Variants in ATP11C observed in about 807,000 individuals in gnomAD.
ATP11C encodes the protein phospholipid-transporting ATPase IG.
A neutral mutation model predicts 97.4 loss-of-function variants in ATP11C; 36 were observed. The ratio of observed to expected loss-of-function variants is 0.37; its 90% CI spans 0.28 to 0.49. ATP11C has a LOEUF of 0.49. ATP11C is among the 20% of genes least tolerant of loss of function. The probability of loss-of-function intolerance (pLI) is 0.98; values close to 1 mark genes in which losing one functional copy is unlikely to be tolerated. For missense variants in ATP11C, 730 were observed against 824.6 expected (o/e 0.89, Z 1.40); for synonymous variants, 275 against 290.9 (o/e 0.95, Z 0.56).
At chrX:139,931,915 G>C (rs1390769926) in intron 1 of ATP11C, 101 bp downstream of exon 1, 11 of 975,356 alleles carry the variant, frequency 1.1e-5, no homozygotes, top group African/African-American at 2.0e-5. Context: ...GTGTCTCCCA[G>C]AGACGTAACT....
At chrX:139,898,561 GAGT>G (rs1394756498) in intron 1 of ATP11C, among the ~76,000 whole-genome samples, 1 of 111,129 alleles carries the variant, frequency 9.0e-6, no homozygotes, top group Non-Finnish European at 1.9e-5. Context: ...ACGTGGGGAT[GAGT>G]AGATGTGGGC....
rs200848118 is a variant in ATP11C, at chrX:139,789,526, C to T, written c.1207-38G>A. 4 of 1,075,140 alleles carry T rather than the reference C, an allele frequency of 3.7e-6. No homozygotes were observed. In the African/African-American group the frequency reaches 5.6e-5, roughly 15 times the overall value. 88.6% of individuals were successfully genotyped at this position (1,075,140 alleles called of 1,213,427 possible). On this transcript the variant is annotated intron_variant, in intron 12 of 29. Coordinates refer to ENST00000682941, the MANE Select transcript of ATP11C (RefSeq NM_001353812.2). ...CACAAACATATATTGTTAGTTTCTTCAGTGTGACTAATTTTTAGTTTGCTG... is the reference window on the plus strand; with the variant it reads ...CACAAACATATATTGTTAGTTTCTTTAGTGTGACTAATTTTTAGTTTGCTG...
intron 5 of ATP11C, 65 bp from the exon 6 acceptor site, chrX:139,804,664 A>C: frequency 1.1e-6 from 1 of 933,158 alleles, no homozygotes; most frequent in Admixed American, 2.7e-5. Context: ...CACTCATACA[A>C]AAGTCAAAAC....
In ATP11C at chrX:139,763,370, T is replaced by C; in HGVS notation, c.2440A>G (p.Ile814Val). The change falls in exon 21 of 30, where the codon ATA becomes GTA. Residue 814 changes from isoleucine (I) to valine (V), a missense_variant. By Grantham distance (29) the Ile-to-Val change is conservative. Coordinates refer to ENST00000682941, the MANE Select transcript of ATP11C (RefSeq NM_001353812.2). ...NLKGSPITLSIGDGANDVSMI... is the reference protein window; with the variant it reads ...NLKGSPITLSVGDGANDVSMI... ...CTAACATCATTGGCACCATCACCTATCGACAGAGTTATTGGGCTGCCTTTT... is the reference window on the plus strand; with the variant it reads ...CTAACATCATTGGCACCATCACCTACCGACAGAGTTATTGGGCTGCCTTTT... 2 of 1,210,702 alleles carry C rather than the reference T, an allele frequency of 1.7e-6. No homozygotes were observed. The highest frequency in any genetic ancestry group is 1.1e-6 in the Non-Finnish European group (1 of 894,450).
chrX:139,806,018 C>T (rs1312789337), intron 5 of ATP11C, among the ~76,000 whole-genome samples: 1 of 112,293 alleles, frequency 8.9e-6, no homozygotes, highest in Non-Finnish European at 1.9e-5. Context: ...AATCCTAACA[C>T]ATCTTACAAG....
At chrX:139,779,062 C>G (rs141549148) in intron 18 of ATP11C, among the ~76,000 whole-genome samples, 1,498 of 111,380 alleles carry the variant, frequency 0.013, 29 homozygotes, top group African/African-American at 0.046. Context: ...TATACAGACC[C>G]AACATCAGAG....
rs1467697160 is a variant in ATP11C at position 139,932,191 on chromosome X, C to T, written c.-149G>A. The T allele has an allele frequency of 1.9e-5, 6 of 321,799 alleles. No individual in the cohort carries two copies. Among genetic ancestry groups the T allele is most frequent in the African/African-American group, 2.9e-5 (1 of 34,348 alleles). 26.5% of individuals were successfully genotyped at this position (321,799 alleles called of 1,213,427 possible). A position where few individuals can be genotyped will look rare whatever the true frequency, so the allele number is the denominator to read the frequency against. On this transcript the variant is annotated 5_prime_UTR_variant, in exon 1 of 30. Coordinates refer to ENST00000682941, the MANE Select transcript of ATP11C (RefSeq NM_001353812.2). ...CCACCCGCTCGCCGCCTGCCCCCCTCGGCTCTCCGCGCTCCCCCGCCCCCC... is the reference window on the plus strand; with the variant it reads ...CCACCCGCTCGCCGCCTGCCCCCCTTGGCTCTCCGCGCTCCCCCGCCCCCC...
At chrX:139,759,244 C>T (rs1374281440) in intron 22 of ATP11C, among the ~76,000 whole-genome samples, 1 of 111,617 alleles carries the variant, frequency 9.0e-6, no homozygotes, top group East Asian at 2.8e-4. Context: ...AGGGACACTG[C>T]CTGTCTTATT....
intron 1 of ATP11C, among the ~76,000 whole-genome samples, chrX:139,875,881 A>G (rs1477256729): frequency 1.8e-5 from 2 of 112,136 alleles, no homozygotes; most frequent in Non-Finnish European, 3.8e-5. Context: ...GGAGTAGAGC[A>G]GGATACAGGA....
intron 8 of ATP11C, among the ~76,000 whole-genome samples, 176 bp from the exon 9 acceptor site, chrX:139,798,919 T>C (rs2082860117): frequency 9.0e-6 from 1 of 110,872 alleles, no homozygotes; most frequent in African/African-American, 3.3e-5. Flanking sequence ...TGAAGTTACT[T>C]GAGGGTACAG....
At position 139,870,852 on chromosome X, in the gene ATP11C, C is replaced by T. The variant is rs546660281; in HGVS notation, c.28-44029G>A. ...CGGGTGGATCATGAGGTCAGGAGATCGAGACCATCCTGGCTAACACGGTGA... is the reference window on the plus strand; with the variant it reads ...CGGGTGGATCATGAGGTCAGGAGATTGAGACCATCCTGGCTAACACGGTGA... On this transcript the variant is annotated intron_variant, in intron 1 of 29. Transcript: ENST00000682941. Among the ~76,000 whole-genome samples the T allele has an allele frequency of 6.4e-5, 7 of 110,140 alleles. 1 individual carries two copies. The highest frequency in any genetic ancestry group is 2.9e-4 in the Admixed American group (3 of 10,377).
chrX:139,762,447 G>A (rs1331212081), intron 21 of ATP11C, among the ~76,000 whole-genome samples: 1 of 111,065 alleles, frequency 9.0e-6, no homozygotes, highest in African/African-American at 3.3e-5. Flanking sequence ...GCTAGACTAG[G>A]TGCTATATTA....
chrX:139,892,898 A>G (rs966586518), intron 1 of ATP11C, among the ~76,000 whole-genome samples: 2 of 111,986 alleles, frequency 1.8e-5, no homozygotes, highest in African/African-American at 6.5e-5. Context: ...CAGTCCCCCC[A>G]ACATCAGAGA....
intron 1 of ATP11C, among the ~76,000 whole-genome samples, chrX:139,906,868 A>G (rs980176149): frequency 1.8e-5 from 2 of 111,318 alleles, no homozygotes; most frequent in Non-Finnish European, 3.8e-5. Context: ...TATGTGGCAC[A>G]ATGGTGTCTT....
chrX:139,730,006 A>AAT (rs1430718406), intron 29 of ATP11C, among the ~76,000 whole-genome samples: 1 of 111,513 alleles, frequency 9.0e-6, no homozygotes, highest in African/African-American at 3.3e-5. Context: ...TGAGAATGTA[A>AAT]CTCACATTGA....
intron 1 of ATP11C, among the ~76,000 whole-genome samples, chrX:139,888,389 C>T (rs376685932): frequency 1.8e-5 from 2 of 110,582 alleles, no homozygotes; most frequent in African/African-American, 3.3e-5. Context: ...CACCTTGGCC[C>T]CAAAGTGCTG....
Position 139,796,359 on chromosome X carries a change from T to C in ATP11C, c.1120A>G (p.Ile374Val), listed in dbSNP as rs778300185. ...TCATAAAAGTCCTTATCCCATGAGA[T>C]GAAGAAGGAGCCCAAGAATTTCTGC... ...EMQKFLGSFF[I>V]SWDKDFYDEE... Residue 374 changes from isoleucine (I) to valine (V), a missense_variant, in exon 12 of 30, where the codon ATC (isoleucine) becomes GTC (valine). By Grantham distance (29) the Ile-to-Val change is conservative. Coordinates refer to ENST00000682941, the MANE Select transcript of ATP11C (RefSeq NM_001353812.2). 8.3e-7 allele frequency: 1 copy of C among 1,206,681 alleles called. No individual in the cohort carries two copies. The highest frequency in any genetic ancestry group is 2.2e-5 in the Admixed American group (1 of 45,908).
intron 2 of ATP11C, among the ~76,000 whole-genome samples, chrX:139,824,140 AAATT>A (rs1397679615): frequency 9.2e-6 from 1 of 108,496 alleles, no homozygotes; most frequent in East Asian, 2.8e-4. Context: ...AAAAAAAAAA[AAATT>A]AATTAATTTT....
At chrX:139,840,269 T>C (rs753516674) in intron 1 of ATP11C, among the ~76,000 whole-genome samples, 4 of 112,459 alleles carry the variant, frequency 3.6e-5, no homozygotes, top group Middle Eastern at 4.6e-3. Context: ...CTAATTAGTT[T>C]CAGTAAAAAC....
Sources: allele counts gnomAD v4.1 joint callset (sites outside exome capture counted in the v4.1 genomes callset), GRCh38; gene constraint gnomAD v4.1.1; transcripts MANE v1.5; gene names NCBI Gene and HGNC (gene_info 2026-07-23, HGNC 2026-07-21).